GPC5: variants seen among roughly 807,000 people sequenced by gnomAD.
GPC5 encodes glypican-5.
In GPC5, 47 loss-of-function variants were observed where a neutral mutation model predicts 53.9. The observed-to-expected ratio is 0.87, with a 90% CI of 0.69 to 1.11. GPC5 has a LOEUF of 1.11. Among genes scored for constraint, GPC5 ranks in the 50% most tolerant of loss-of-function variants. The pLI, the probability that GPC5 is intolerant of heterozygous loss-of-function variation, is 0.00. For missense variants in GPC5, 748 were observed against 713.1 expected, an observed-to-expected ratio of 1.05 and a Z score of -0.56; for synonymous variants, 286 against 263.3, an observed-to-expected ratio of 1.09 and a Z score of -0.84.
intron 7 of GPC5, among the ~76,000 whole-genome samples, chr13:92,793,404 A>G (rs1021996837): frequency 1.3e-5 from 2 of 152,216 alleles, no homozygotes; most frequent in African/African-American, 4.8e-5. Flanking sequence ...AGGGACATTT[A>G]TAGCACTAAA....
intron 7 of GPC5, among the ~76,000 whole-genome samples, chr13:92,543,426 GTT>G (rs35241884): frequency 7.1e-6 from 1 of 141,428 alleles, no homozygotes; most frequent in Non-Finnish European, 1.6e-5. Context: ...TTATTTTGAT[GTT>G]TTTTTTCTGG....
At chr13:91,571,608 C>T (rs1402819513) in intron 2 of GPC5, among the ~76,000 whole-genome samples, 1 of 151,688 alleles carries the variant, frequency 6.6e-6, no homozygotes. Flanking sequence ...ACCTGTAGTC[C>T]TAGCTACTCA....
intron 7 of GPC5, among the ~76,000 whole-genome samples, chr13:92,680,727 T>C (rs1400115160): frequency 2.0e-5 from 3 of 152,166 alleles, no homozygotes. Flanking sequence ...ATTTTTACTC[T>C]TCAGGAAGTA....
chr13:91,923,621 G>T (rs549638898), intron 6 of GPC5, among the ~76,000 whole-genome samples: 3 of 152,262 alleles, frequency 2.0e-5, no homozygotes, highest in East Asian at 1.9e-4. Flanking sequence ...TGATGTGATT[G>T]AAACTTAAGC....
At chr13:92,119,807 G>A (rs1309523137) in intron 6 of GPC5, among the ~76,000 whole-genome samples, 1 of 150,504 alleles carries the variant, frequency 6.6e-6, no homozygotes, top group Non-Finnish European at 1.5e-5. Context: ...TTTTAGTTTT[G>A]TGTCATTTTG....
At chr13:92,745,671 T>C (rs572511087) in intron 7 of GPC5, among the ~76,000 whole-genome samples, 1 of 152,114 alleles carries the variant, frequency 6.6e-6, no homozygotes, top group Non-Finnish European at 1.5e-5. Context: ...ATCATGAATA[T>C]AAGGTTCTTA....
rs550724825 is a variant in GPC5, at chr13:92,278,290, A to C, written c.1561+133301A>C. 6.6e-5 allele frequency among the ~76,000 whole-genome samples: 10 copies of C among 152,100 alleles called. No individual in the cohort carries two copies. The South Asian group carries it at 2.1e-3, about 32-fold the overall frequency. ...ATTTAAAGCAGTAATTGCCAACTTAAAGACCGTAACCACTTTGATAATAAA... is the reference window on the plus strand; with the variant it reads ...ATTTAAAGCAGTAATTGCCAACTTACAGACCGTAACCACTTTGATAATAAA... On this transcript the variant is annotated intron_variant, in intron 7 of 7. Transcript: ENST00000377067.
At chr13:91,425,794 G>C (rs781348079) in intron 1 of GPC5, among the ~76,000 whole-genome samples, 1 of 152,316 alleles carries the variant, frequency 6.6e-6, no homozygotes, top group East Asian at 1.9e-4. Context: ...AATGGGCAGA[G>C]GTTGGAACAG....
chr13:91,848,651 A>G (rs1176007618), intron 5 of GPC5, among the ~76,000 whole-genome samples: 1 of 152,200 alleles, frequency 6.6e-6, no homozygotes, highest in Non-Finnish European at 1.5e-5. Context: ...TAAGTGAGGT[A>G]TATCTGTTGT....
intron 6 of GPC5, among the ~76,000 whole-genome samples, chr13:91,930,602 A>C (rs1338030508): frequency 6.6e-6 from 1 of 152,074 alleles, no homozygotes; most frequent in Non-Finnish European, 1.5e-5. Flanking sequence ...AAAAAATGAC[A>C]GTTTTATGTT....
At chr13:92,083,572 A>T (rs1036723032) in intron 6 of GPC5, among the ~76,000 whole-genome samples, 1 of 152,168 alleles carries the variant, frequency 6.6e-6, no homozygotes, top group Non-Finnish European at 1.5e-5. Context: ...TTAAAGTATA[A>T]TTTAAAAAAA....
intron 6 of GPC5, among the ~76,000 whole-genome samples, chr13:92,070,549 T>C (rs1478339927): frequency 6.6e-6 from 1 of 152,200 alleles, no homozygotes; most frequent in African/African-American, 2.4e-5. Context: ...ATACTTTCAT[T>C]ACTGTAATCC....
intron 7 of GPC5, among the ~76,000 whole-genome samples, chr13:92,462,342 G>T (rs1295866160): frequency 6.6e-6 from 1 of 152,106 alleles, no homozygotes; most frequent in Non-Finnish European, 1.5e-5. Flanking sequence ...GCGGTGAAAG[G>T]TGATTAGAAT....
chr13:92,083,618 A>G (rs1006766946), intron 6 of GPC5, among the ~76,000 whole-genome samples: 3 of 152,198 alleles, frequency 2.0e-5, no homozygotes, highest in African/African-American at 7.2e-5. Flanking sequence ...TTATTACCAA[A>G]ATACAAATAG....
chr13:91,907,503 T>TCTCTATATA (rs2039566577), intron 5 of GPC5, among the ~76,000 whole-genome samples: 21 of 129,554 alleles, frequency 1.6e-4, no homozygotes, highest in African/African-American at 6.2e-4. Flanking sequence ...CTCTCTCTCT[T>TCTCTATATA]TATATATATA....
intron 2 of GPC5, among the ~76,000 whole-genome samples, chr13:91,644,638 T>G (rs970703046): frequency 5.9e-5 from 9 of 152,218 alleles, no homozygotes; most frequent in Non-Finnish European, 1.2e-4. Context: ...CTTATGTGCT[T>G]TATTTACTTA....
intron 7 of GPC5, among the ~76,000 whole-genome samples, chr13:92,829,244 T>C (rs1299660368): frequency 6.6e-6 from 1 of 152,154 alleles, no homozygotes; most frequent in Non-Finnish European, 1.5e-5. Context: ...CAGAAATCAT[T>C]TTACTTAAGA....
chr13:91,679,502 C>T (rs887392479), intron 2 of GPC5, among the ~76,000 whole-genome samples: 26 of 152,142 alleles, frequency 1.7e-4, no homozygotes, highest in South Asian at 4.1e-4. Context: ...TCTGGGGTTC[C>T]GGAAACCTCA....
intron 3 of GPC5, among the ~76,000 whole-genome samples, chr13:91,719,329 G>A (rs114904909): frequency 2.5e-3 from 380 of 152,324 alleles, no homozygotes; most frequent in African/African-American, 8.8e-3. Flanking sequence ...TTGAATATGT[G>A]TGCTCTGACT....
Sources: gnomAD v4.1 joint callset for allele counts (sites outside exome capture counted in the v4.1 genomes callset) on GRCh38, gnomAD v4.1.1 for gene constraint, MANE v1.5 for transcripts, NCBI Gene and HGNC (gene_info 2026-07-23, HGNC 2026-07-21) for gene names.